The following ADAMTS18 variants were observed in gnomAD, a reference collection of about 807,000 sequenced individuals.
The protein encoded by ADAMTS18 is A disintegrin and metalloproteinase with thrombospondin motifs 18.
A neutral mutation model predicts 165.9 loss-of-function variants in ADAMTS18; 157 were observed. That is an observed-to-expected ratio of 0.95 (90% CI 0.83 to 1.08). The LOEUF is 1.08. Among genes scored for constraint, ADAMTS18 ranks in the 50% least tolerant of loss-of-function variants. ADAMTS18 has a pLI of 0.00. For missense variants in ADAMTS18, 2,040 were observed against 1,534.0 expected (o/e 1.33, Z -5.51); for synonymous variants, 782 against 578.2 (o/e 1.35, Z -5.06).
intron 16 of ADAMTS18, 146 bp downstream of exon 16, chr16:77,319,703 A>G: frequency 1.5e-6 from 2 of 1,365,458 alleles, no homozygotes; most frequent in Non-Finnish European, 2.1e-6. Context: ...TCAGCCTCCC[A>G]AAGTGCTGGG....
chr16:77,337,790 T>A (rs1393433356), intron 11 of ADAMTS18, among the ~76,000 whole-genome samples: 1 of 152,172 alleles, frequency 6.6e-6, no homozygotes, highest in African/African-American at 2.4e-5. Context: ...AAATCAGGAA[T>A]ATAAAGGAAT....
At chr16:77,430,329 C>A (rs1466938167) in intron 3 of ADAMTS18, among the ~76,000 whole-genome samples, 1 of 152,098 alleles carries the variant, frequency 6.6e-6, no homozygotes, top group African/African-American at 2.4e-5. Context: ...AAATTTCAGG[C>A]CATAATAGGG....
intron 3 of ADAMTS18, among the ~76,000 whole-genome samples, chr16:77,379,923 T>C (rs377725946): frequency 4.6e-5 from 7 of 152,198 alleles, no homozygotes; most frequent in Non-Finnish European, 5.9e-5. Context: ...CTGGGCAAAG[T>C]TGATTTGTCC....
chr16:77,431,612 C>T lies in ADAMTS18; in HGVS notation c.179-1G>A. 6.2e-7 allele frequency: 1 copy of T among 1,613,788 alleles called. No homozygotes were observed. On this transcript the variant is annotated splice_acceptor_variant, in intron 2 of 22. Transcript: ENST00000282849. LOFTEE classifies it high-confidence loss of function. ...TCTACTGGCGTGACAAAGACGTAAT[C>T]TGCAATGGGAAAAGTTCAGCTGTCA...
chr16:77,301,270 T>A, intron 16 of ADAMTS18, among the ~76,000 whole-genome samples: 1 of 133,236 alleles, frequency 7.5e-6, no homozygotes, highest in Admixed American at 8.3e-5. Flanking sequence ...GCTGCCTATA[T>A]TTTCATTGAA....
In ADAMTS18 at chr16:77,291,440, C is replaced by G; in HGVS notation, c.3228G>C (p.Glu1076Asp). 1 of 1,614,186 alleles carries G rather than the reference C, an allele frequency of 6.2e-7. No homozygotes were observed. Among genetic ancestry groups the G allele is most frequent in the Non-Finnish European group, 8.5e-7 (1 of 1,180,018 alleles). Residue 1076 changes from glutamate (E) to aspartate (D), a missense_variant, in exon 21 of 23, where the codon GAG becomes GAC. By Grantham distance (45) the Glu-to-Asp change is conservative (BLOSUM62 2). Coordinates refer to ENST00000282849, the MANE Select transcript of ADAMTS18 (RefSeq NM_199355.4). ...ATCGLGVRKR[E>D]MKCSEKGFQG... ...GGAAGCCCTTCTCGCTGCACTTCATCTCCCTCTTCCTCACACCCAAACCAC... is the reference window on the plus strand; with the variant it reads ...GGAAGCCCTTCTCGCTGCACTTCATGTCCCTCTTCCTCACACCCAAACCAC...
rs1471548934 is a variant in ADAMTS18, at chr16:77,319,751, C to T, written c.2532+98G>A. 118 of 1,593,616 alleles carry T rather than the reference C, an allele frequency of 7.4e-5. No individual in the cohort carries two copies. The East Asian group carries it at 2.5e-3, about 34-fold the overall frequency. ...AGCCACCATGCCCGGCCAGGAAACA[C>T]CTTTGAACTAGAAGGACTGGAGTTC... On this transcript the variant is annotated intron_variant, in intron 16 of 22. Transcript: ENST00000282849.
At chr16:77,357,893 A>G (rs1449134895) in intron 8 of ADAMTS18, among the ~76,000 whole-genome samples, 1 of 152,162 alleles carries the variant, frequency 6.6e-6, no homozygotes, top group Admixed American at 6.6e-5. Flanking sequence ...CCTGAAGAAT[A>G]TGTTCTGCTT....
At chr16:77,433,778 G>A (rs898063389) in intron 2 of ADAMTS18, among the ~76,000 whole-genome samples, 15 of 152,108 alleles carry the variant, frequency 9.9e-5, no homozygotes, top group Non-Finnish European at 1.8e-4. Context: ...ATCAAAACAA[G>A]GATTTCCCTC....
chr16:77,359,515 T>G, intron 7 of ADAMTS18, 92 bp from the exon 8 acceptor site: 1 of 1,038,744 alleles, frequency 9.6e-7, no homozygotes, highest in Non-Finnish European at 1.4e-6. Flanking sequence ...CTACACAGTT[T>G]TAGTTTAATA....
At chr16:77,362,844 TTTAA>T (rs1387298687) in intron 6 of ADAMTS18, among the ~76,000 whole-genome samples, 5 of 152,236 alleles carry the variant, frequency 3.3e-5, no homozygotes, top group Admixed American at 3.3e-4. Context: ...AGACAAGATC[TTTAA>T]TTATCAGTTA....
At chr16:77,328,345 G>A (rs762314046) in intron 12 of ADAMTS18, among the ~76,000 whole-genome samples, 2 of 151,992 alleles carry the variant, frequency 1.3e-5, no homozygotes, top group African/African-American at 2.4e-5. Flanking sequence ...CATGAAAGGC[G>A]GCTCCAGGTT....
intron 7 of ADAMTS18, among the ~76,000 whole-genome samples, chr16:77,361,676 G>C (rs1233425329): frequency 6.6e-6 from 1 of 152,200 alleles, no homozygotes; most frequent in East Asian, 1.9e-4. Flanking sequence ...CTGAGGTCAG[G>C]AGTTCGAGAC....
intron 3 of ADAMTS18, among the ~76,000 whole-genome samples, chr16:77,387,497 G>A (rs2057125755): frequency 6.6e-6 from 1 of 152,170 alleles, no homozygotes. Context: ...CACACACAGA[G>A]GAAGCTCTGT....
chr16:77,284,570 G>A (rs77529558), intron 22 of ADAMTS18, among the ~76,000 whole-genome samples: 226 of 152,186 alleles, frequency 1.5e-3, no homozygotes, highest in Middle Eastern at 3.4e-3. Flanking sequence ...ACTTTGGTAG[G>A]GGGGTGAGGT....
intron 3 of ADAMTS18, among the ~76,000 whole-genome samples, chr16:77,385,849 C>A (rs189842015): frequency 3.3e-4 from 51 of 152,240 alleles, no homozygotes; most frequent in Admixed American, 2.1e-3. Flanking sequence ...CCCCTCCTCA[C>A]CCCCTGCCTT....
intron 16 of ADAMTS18, among the ~76,000 whole-genome samples, chr16:77,302,405 T>C (rs2055601916): frequency 6.6e-6 from 1 of 152,188 alleles, no homozygotes; most frequent in Non-Finnish European, 1.5e-5. Flanking sequence ...GTACCGTATT[T>C]ACTTGTGTGG....
At chr16:77,322,865 T>C (rs2144644060) in intron 13 of ADAMTS18, among the ~76,000 whole-genome samples, 1 of 152,298 alleles carries the variant, frequency 6.6e-6, no homozygotes, top group East Asian at 1.9e-4. Flanking sequence ...CACACCAGAT[T>C]TGGCCAGCAG....
At chr16:77,303,393 T>G (rs979585275) in intron 16 of ADAMTS18, among the ~76,000 whole-genome samples, 2 of 152,186 alleles carry the variant, frequency 1.3e-5, no homozygotes, top group African/African-American at 2.4e-5. Context: ...ATGTCTAACT[T>G]TTTTCTGCCT....
Sources: gnomAD v4.1 joint callset for allele counts (sites outside exome capture counted in the v4.1 genomes callset) on GRCh38, gnomAD v4.1.1 for gene constraint, MANE v1.5 for transcripts, NCBI Gene and HGNC (gene_info 2026-07-23, HGNC 2026-07-21) for gene names.